The following NPAS3 variants were observed in gnomAD, a reference collection of about 807,000 sequenced individuals.
NPAS3 encodes the protein neuronal PAS domain protein 3.
In NPAS3, 14 loss-of-function variants were observed where a neutral mutation model predicts 73.1. That is an observed-to-expected ratio of 0.19 (90% CI 0.13 to 0.30). The LOEUF is 0.30. Among genes scored for constraint, NPAS3 ranks in the 10% least tolerant of loss-of-function variants. The pLI, the probability that NPAS3 is intolerant of heterozygous loss-of-function variation, is 1.00. For synonymous variants in NPAS3, 620 were observed against 541.5 expected (o/e 1.14, Z -2.01); for missense variants, 1,096 against 1,250.0 (o/e 0.88, Z 1.86).
At chr14:33,045,954 C>T (rs184527163) in intron 1 of NPAS3, among the ~76,000 whole-genome samples, 185 of 152,276 alleles carry the variant, frequency 1.2e-3, no homozygotes, top group African/African-American at 9.6e-4. Flanking sequence ...TTCCTGTACA[C>T]GTCACTGACC....
chr14:32,995,816 G>C (rs189738606), intron 1 of NPAS3, among the ~76,000 whole-genome samples: 2 of 152,210 alleles, frequency 1.3e-5, no homozygotes, highest in Non-Finnish European at 2.9e-5. Flanking sequence ...TTGTCCAGTC[G>C]GGTATATCTT....
intron 4 of NPAS3, among the ~76,000 whole-genome samples, chr14:33,414,716 T>G (rs1258579700): frequency 3.9e-5 from 6 of 152,114 alleles, no homozygotes; most frequent in African/African-American, 1.4e-4. Context: ...ACCTTCTCAG[T>G]TAGGGCCACT....
At chr14:33,480,311 A>G (rs1252442779) in intron 4 of NPAS3, among the ~76,000 whole-genome samples, 1 of 152,182 alleles carries the variant, frequency 6.6e-6, no homozygotes, top group African/African-American at 2.4e-5. Context: ...GTAGATATAC[A>G]ACTATAACTA....
intron 5 of NPAS3, among the ~76,000 whole-genome samples, chr14:33,563,517 T>C (rs7149698): frequency 1.6e-4 from 17 of 106,938 alleles, no homozygotes; most frequent in African/African-American, 2.9e-4. Context: ...TACACATACA[T>C]ACACACACAC....
chr14:32,941,700 T>C (rs2036022122), intron 1 of NPAS3, among the ~76,000 whole-genome samples: 1 of 152,130 alleles, frequency 6.6e-6, no homozygotes. Flanking sequence ...TTGGATGCTG[T>C]CATTTTAAAG....
intron 1 of NPAS3, among the ~76,000 whole-genome samples, chr14:33,028,380 A>G (rs1417120584): frequency 6.6e-6 from 1 of 152,220 alleles, no homozygotes; most frequent in East Asian, 1.9e-4. Flanking sequence ...ATGGGTTTTG[A>G]TAATTCTGCT....
At chr14:33,365,240 A>T (rs1422699183) in intron 3 of NPAS3, among the ~76,000 whole-genome samples, 1 of 129,922 alleles carries the variant, frequency 7.7e-6, no homozygotes, top group Non-Finnish European at 1.6e-5. Flanking sequence ...GATTTTATTC[A>T]TGTGGGATCA....
chr14:33,283,320 A>G (rs2041706360), intron 3 of NPAS3, among the ~76,000 whole-genome samples: 2 of 152,208 alleles, frequency 1.3e-5, no homozygotes, highest in Admixed American at 1.3e-4. Context: ...TGTTTGGCTT[A>G]GCATTACATT....
chr14:33,301,324 T>TATATATATATATATATATATATATATATC (rs56204986), intron 3 of NPAS3, among the ~76,000 whole-genome samples: 1 of 75,648 alleles, frequency 1.3e-5, no homozygotes, highest in African/African-American at 5.6e-5. Context: ...ATATATATAT[T>TATATATATATATATATATATATATATATC]TTTTTTTTTT....
chr14:33,373,326 T>C lies in NPAS3; in HGVS notation c.468+6058T>C, dbSNP rs543568762. Among the ~76,000 whole-genome samples the C allele has an allele frequency of 3.3e-5, 5 of 152,256 alleles. No homozygotes were observed. The East Asian group carries it at 9.6e-4, about 29-fold the overall frequency. ...CAGGTGTTAAACAAGTTAAACCTAG[T>C]ACATGGAAATTGTTAAGGTTTATGT... On this transcript the variant is annotated intron_variant, in intron 4 of 11. Transcript: ENST00000356141.
At chr14:33,589,536 A>G (rs2056988094) in intron 5 of NPAS3, among the ~76,000 whole-genome samples, 2 of 152,214 alleles carry the variant, frequency 1.3e-5, no homozygotes. Flanking sequence ...AGCCCTGATT[A>G]CATTTTGTGT....
intron 2 of NPAS3, among the ~76,000 whole-genome samples, chr14:33,152,728 T>A (rs528583432): frequency 9.2e-5 from 14 of 152,142 alleles, no homozygotes; most frequent in Admixed American, 4.6e-4. Flanking sequence ...TTCTGATGAT[T>A]GTTTACATGT....
chr14:33,753,329 A>G (rs967041789), intron 7 of NPAS3, among the ~76,000 whole-genome samples: 1 of 150,950 alleles, frequency 6.6e-6, no homozygotes, highest in Non-Finnish European at 1.5e-5. Flanking sequence ...ACTTCTCAAA[A>G]TATGCTTAAG....
At chr14:33,069,907 A>G (rs1178016285) in intron 2 of NPAS3, among the ~76,000 whole-genome samples, 1 of 152,220 alleles carries the variant, frequency 6.6e-6, no homozygotes, top group Admixed American at 6.5e-5. Flanking sequence ...TGATAGTTTA[A>G]AAATGACAGA....
chr14:33,085,053 A>T (rs1450450927), intron 2 of NPAS3, among the ~76,000 whole-genome samples: 3 of 152,342 alleles, frequency 2.0e-5, no homozygotes, highest in African/African-American at 7.2e-5. Context: ...CAACTTTCTT[A>T]GCATTATAAA....
chr14:33,416,929 G>C (rs1317749352), intron 4 of NPAS3, among the ~76,000 whole-genome samples: 1 of 151,868 alleles, frequency 6.6e-6, no homozygotes, highest in Non-Finnish European at 1.5e-5. Context: ...GATTTCTGGG[G>C]AGAAAAAAAC....
intron 3 of NPAS3, among the ~76,000 whole-genome samples, chr14:33,266,487 C>T (rs2040821871): frequency 6.6e-6 from 1 of 152,082 alleles, no homozygotes; most frequent in African/African-American, 2.4e-5. Context: ...GATATGGTTG[C>T]CATTTTACTG....
intron 4 of NPAS3, among the ~76,000 whole-genome samples, chr14:33,535,156 T>C (rs984788906): frequency 6.6e-6 from 1 of 152,212 alleles, no homozygotes; most frequent in Non-Finnish European, 1.5e-5. Context: ...AATTCTATAA[T>C]AAAAGTATAT....
chr14:32,979,591 C>T (rs1185161070), intron 1 of NPAS3, among the ~76,000 whole-genome samples: 1 of 152,146 alleles, frequency 6.6e-6, no homozygotes, highest in Non-Finnish European at 1.5e-5. Context: ...GGGCCATACA[C>T]ATATGTGGGC....
Sources: allele counts gnomAD v4.1 joint callset (sites outside exome capture counted in the v4.1 genomes callset), GRCh38; gene constraint gnomAD v4.1.1; transcripts MANE v1.5; gene names NCBI Gene and HGNC (gene_info 2026-07-23, HGNC 2026-07-21).